Variants in ADGRL3 observed in about 807,000 individuals in gnomAD.
ADGRL3 encodes calcium-independent alpha-latrotoxin receptor 3.
A neutral mutation model predicts 153.5 loss-of-function variants in ADGRL3; 62 were observed. The observed-to-expected ratio is 0.40, with a 90% CI of 0.33 to 0.50. The LOEUF is 0.50. Ranked by LOEUF, ADGRL3 falls within the 20% of genes least tolerant of loss-of-function variation. ADGRL3 has a pLI of 0.47. For missense variants in ADGRL3, 1,641 were observed against 1,859.4 expected (o/e 0.88, Z 2.16); for synonymous variants, 710 against 672.5 (o/e 1.06, Z -0.86).
In ADGRL3 at chr4:61,494,840, A is replaced by G. The variant is rs567288629; in HGVS notation, c.-173-2281A>G. 1.4e-3 allele frequency among the ~76,000 whole-genome samples: 209 copies of G among 152,318 alleles called. 1 individual carries two copies. The highest frequency in any genetic ancestry group is 4.8e-3 in the African/African-American group (200 of 41,582). ...TACTGTAGGAGCCTATGTATACAAT[A>G]GTAATCAATAAATATTTTTTAGTTA... On this transcript the variant is annotated intron_variant, in intron 2 of 26. Coordinates refer to ENST00000683033, the MANE Select transcript of ADGRL3 (RefSeq NM_001387552.1).
intron 1 of ADGRL3, among the ~76,000 whole-genome samples, chr4:61,215,267 T>C (rs1265429046): frequency 6.6e-6 from 1 of 152,166 alleles, no homozygotes. Flanking sequence ...GCTTGATAAA[T>C]AAATGATTGT....
chr4:62,051,252 A>G (rs1734067146), intron 25 of ADGRL3, among the ~76,000 whole-genome samples: 1 of 150,850 alleles, frequency 6.6e-6, no homozygotes, highest in African/African-American at 2.4e-5. Context: ...AAAAGGAACA[A>G]TAAAATAAAG....
intron 4 of ADGRL3, among the ~76,000 whole-genome samples, chr4:61,545,681 T>C (rs2098710216): frequency 6.6e-6 from 1 of 152,094 alleles, no homozygotes; most frequent in Admixed American, 6.5e-5. Flanking sequence ...ACCCACCTAA[T>C]TTTTGTACTT....
intron 1 of ADGRL3, among the ~76,000 whole-genome samples, chr4:61,356,075 T>G (rs1054428498): frequency 6.6e-6 from 1 of 152,098 alleles, no homozygotes; most frequent in Non-Finnish European, 1.5e-5. Context: ...ATGGTGAAGA[T>G]GATACAAATT....
chr4:61,628,705 A>G (rs529509001), intron 5 of ADGRL3, among the ~76,000 whole-genome samples: 21 of 152,104 alleles, frequency 1.4e-4, no homozygotes, highest in Non-Finnish European at 2.8e-4. Context: ...ATTCTTGTTC[A>G]GGTTTTGAGG....
intron 9 of ADGRL3, among the ~76,000 whole-genome samples, chr4:61,847,465 A>G (rs2098130374): frequency 6.7e-6 from 1 of 148,194 alleles, no homozygotes; most frequent in African/African-American, 2.5e-5. Context: ...GGGGCAGGGT[A>G]TGTGTGTACT....
At chr4:62,034,687 T>C (rs1724002969) in intron 23 of ADGRL3, among the ~76,000 whole-genome samples, 2 of 151,964 alleles carry the variant, frequency 1.3e-5, no homozygotes, top group African/African-American at 4.8e-5. Context: ...ATATTTCATA[T>C]TTGAAAATTG....
chr4:61,768,049 T>C (rs562566669), intron 8 of ADGRL3, among the ~76,000 whole-genome samples: 330 of 152,022 alleles, frequency 2.2e-3, no homozygotes, highest in Non-Finnish European at 3.4e-3. Context: ...GGCTGTAAAG[T>C]GTCTCAGGGT....
At chr4:61,379,562 G>A (rs2096643608) in intron 1 of ADGRL3, among the ~76,000 whole-genome samples, 1 of 151,940 alleles carries the variant, frequency 6.6e-6, no homozygotes, top group Non-Finnish European at 1.5e-5. Flanking sequence ...TAGGCTGAAA[G>A]CCATCTAATT....
chr4:61,358,188 C>A (rs1388962654), intron 1 of ADGRL3, among the ~76,000 whole-genome samples: 1 of 152,144 alleles, frequency 6.6e-6, no homozygotes, highest in East Asian at 1.9e-4. Flanking sequence ...TTATTATAAA[C>A]TACTGGCCAC....
intron 21 of ADGRL3, among the ~76,000 whole-genome samples, chr4:62,010,820 G>T (rs1329015312): frequency 6.6e-6 from 1 of 151,992 alleles, no homozygotes; most frequent in Non-Finnish European, 1.5e-5. Context: ...AAAGAATCCA[G>T]TTATGATTCA....
chr4:61,825,526 A>ATCCT, intron 9 of ADGRL3, among the ~76,000 whole-genome samples: 1 of 152,304 alleles, frequency 6.6e-6, no homozygotes, highest in African/African-American at 2.4e-5. Context: ...TTATGATACA[A>ATCCT]TTTTAATTTT....
At chr4:61,500,979 A>G (rs2098381164) in intron 3 of ADGRL3, among the ~76,000 whole-genome samples, 1 of 152,158 alleles carries the variant, frequency 6.6e-6, no homozygotes, top group African/African-American at 2.4e-5. Flanking sequence ...TCCTCTTTAC[A>G]TAGAATCTCA....
At chr4:62,055,168 T>C (rs1736366785) in intron 25 of ADGRL3, among the ~76,000 whole-genome samples, 1 of 151,792 alleles carries the variant, frequency 6.6e-6, no homozygotes, top group South Asian at 2.1e-4. Flanking sequence ...TGTAGCCAAT[T>C]AATACAAAAT....
chr4:61,639,332 G>A (rs2093564865), intron 5 of ADGRL3, among the ~76,000 whole-genome samples: 1 of 151,994 alleles, frequency 6.6e-6, no homozygotes, highest in Non-Finnish European at 1.5e-5. Context: ...TTGGGATGAT[G>A]TTTAATGTAG....
chr4:61,383,991 T>G lies in ADGRL3; in HGVS notation c.-174+802T>G, dbSNP rs189078199. ...CCTAATATTTGAAATATCAACTTTC[T>G]TATTGGTCTTCATATTAAAATGATT... On this transcript the variant is annotated intron_variant, in intron 2 of 26. Transcript: ENST00000683033. 6.4e-4 allele frequency among the ~76,000 whole-genome samples: 97 copies of G among 151,986 alleles called. 2 individuals are homozygous for G. Among genetic ancestry groups the G allele is most frequent in the African/African-American group, 2.3e-3 (96 of 41,544 alleles).
At chr4:61,278,547 A>G (rs939423239) in intron 1 of ADGRL3, among the ~76,000 whole-genome samples, 2 of 152,002 alleles carry the variant, frequency 1.3e-5, no homozygotes, top group Non-Finnish European at 2.9e-5. Context: ...TCTGTTGCTC[A>G]GGCTGGAGTG....
At chr4:62,006,018 A>ATT (rs2099157285) in intron 21 of ADGRL3, among the ~76,000 whole-genome samples, 1 of 102,262 alleles carries the variant, frequency 9.8e-6, no homozygotes, top group Non-Finnish European at 2.0e-5. Context: ...ATATATATAT[A>ATT]TATATATATA....
At chr4:61,252,377 A>C (rs1404963348) in intron 1 of ADGRL3, among the ~76,000 whole-genome samples, 1 of 152,218 alleles carries the variant, frequency 6.6e-6, no homozygotes, top group Non-Finnish European at 1.5e-5. Context: ...CATTAACATC[A>C]TCATTACACT....
Sources: allele counts gnomAD v4.1 joint callset (sites outside exome capture counted in the v4.1 genomes callset), GRCh38; gene constraint gnomAD v4.1.1; transcripts MANE v1.5; gene names NCBI Gene and HGNC (gene_info 2026-07-23, HGNC 2026-07-21).